SUSD1: variants seen among roughly 807,000 people sequenced by gnomAD.
SUSD1 encodes sushi domain-containing protein 1.
SUSD1 carries 65 observed loss-of-function variants against 86.9 expected under a neutral mutation model. The ratio of observed to expected loss-of-function variants is 0.75; its 90% CI spans 0.61 to 0.92. SUSD1 has a LOEUF of 0.92. Among genes scored for constraint, SUSD1 ranks in the 40% least tolerant of loss-of-function variants. SUSD1 has a pLI of 0.00. For synonymous variants in SUSD1, 346 were observed against 350.0 expected (o/e 0.99, Z 0.13); for missense variants, 850 against 929.7 (o/e 0.91, Z 1.11).
chr9:112,060,944 G>A (rs371233398), intron 13 of SUSD1, among the ~76,000 whole-genome samples: 4 of 152,140 alleles, frequency 2.6e-5, no homozygotes, highest in African/African-American at 7.2e-5. Context: ...AGGCATCATC[G>A]ACAGAGTATG....
At chr9:112,120,935 C>T (rs1831529221) in intron 6 of SUSD1, among the ~76,000 whole-genome samples, 1 of 152,218 alleles carries the variant, frequency 6.6e-6, no homozygotes, top group African/African-American at 2.4e-5. Context: ...AGCAGTTGTT[C>T]TGTGTCGGGA....
chr9:112,052,219 A>G, intron 15 of SUSD1, 180 bp downstream of exon 15: 1 of 1,528,754 alleles, frequency 6.5e-7, no homozygotes. Context: ...GTATAATTCC[A>G]TAAGCTCCCA....
At chr9:112,142,696 T>A in intron 4 of SUSD1, 197 bp from the exon 5 acceptor site, 1 of 548,734 alleles carries the variant, frequency 1.8e-6, no homozygotes, top group Middle Eastern at 4.7e-4. Context: ...CTTCCATAGG[T>A]AAAGCATCTA....
At chr9:112,107,913 ACTT>A (rs1482281740) in intron 8 of SUSD1, among the ~76,000 whole-genome samples, 1 of 152,204 alleles carries the variant, frequency 6.6e-6, no homozygotes, top group Non-Finnish European at 1.5e-5. Flanking sequence ...AATAAAGTTG[ACTT>A]AATAACAGAT....
intron 9 of SUSD1, among the ~76,000 whole-genome samples, chr9:112,099,015 TTC>T (rs58040511): frequency 0.031 from 4,521 of 145,802 alleles, 71 homozygotes; most frequent in African/African-American, 0.049. Context: ...GAATACTTCG[TTC>T]TCTCTCTCTC....
intron 5 of SUSD1, among the ~76,000 whole-genome samples, chr9:112,140,697 T>C (rs1832527150): frequency 1.3e-5 from 2 of 152,226 alleles, no homozygotes; most frequent in South Asian, 4.1e-4. Flanking sequence ...GCTCTGTCTC[T>C]AGTTGTGTGA....
chr9:112,063,692 G>A (rs539198164), intron 12 of SUSD1, among the ~76,000 whole-genome samples: 6 of 126,834 alleles, frequency 4.7e-5, no homozygotes, highest in South Asian at 2.7e-4. Context: ...TGACACCAGC[G>A]TTCTTGCTCA....
chr9:112,127,065 C>T (rs1481917951), intron 5 of SUSD1, among the ~76,000 whole-genome samples: 1 of 152,094 alleles, frequency 6.6e-6, no homozygotes, highest in Non-Finnish European at 1.5e-5. Context: ...ATTCTTTTCC[C>T]TACACCCACA....
chr9:112,105,686 A>T (rs12684264), intron 8 of SUSD1, among the ~76,000 whole-genome samples: 17,826 of 152,198 alleles, frequency 0.12, 1,345 homozygotes, highest in Admixed American at 0.2. Flanking sequence ...GCCACTGCAC[A>T]CCAGCCTGGG....
chr9:112,102,308 A>G, intron 8 of SUSD1, 23 bp from the exon 9 acceptor site: 1 of 1,392,170 alleles, frequency 7.2e-7, no homozygotes, highest in East Asian at 2.4e-5. Context: ...AGAGAGAGTT[A>G]TAGACAGCTT....
intron 13 of SUSD1, among the ~76,000 whole-genome samples, chr9:112,061,753 T>G (rs541257157): frequency 6.6e-6 from 1 of 152,194 alleles, no homozygotes; most frequent in African/African-American, 2.4e-5. Context: ...AGTTTTATTA[T>G]AAATGGATAT....
intron 10 of SUSD1, among the ~76,000 whole-genome samples, chr9:112,093,173 G>C (rs1830268503): frequency 6.6e-6 from 1 of 152,190 alleles, no homozygotes; most frequent in Non-Finnish European, 1.5e-5. Context: ...TAAGGGAAAA[G>C]GCAATTTTGG....
intron 15 of SUSD1, among the ~76,000 whole-genome samples, chr9:112,046,186 G>T (rs1477827504): frequency 6.6e-6 from 1 of 152,130 alleles, no homozygotes; most frequent in East Asian, 1.9e-4. Flanking sequence ...CACAAGTGTT[G>T]CCACACAAGC....
intron 12 of SUSD1, among the ~76,000 whole-genome samples, chr9:112,064,791 G>T (rs550476490): frequency 1.3e-5 from 2 of 151,086 alleles, no homozygotes; most frequent in African/African-American, 4.9e-5. Context: ...CAGGAGAATC[G>T]CTTGAACCGG....
At chr9:112,053,345 T>A (rs1828303204) in intron 14 of SUSD1, among the ~76,000 whole-genome samples, 1 of 151,616 alleles carries the variant, frequency 6.6e-6, no homozygotes, top group Admixed American at 6.6e-5. Context: ...TGAAACCCCA[T>A]CCCTACTGAA....
chr9:112,122,087 G>C (rs1831578553), intron 6 of SUSD1, among the ~76,000 whole-genome samples: 1 of 152,214 alleles, frequency 6.6e-6, no homozygotes, highest in Non-Finnish European at 1.5e-5. Context: ...TTTTATAGAT[G>C]AGGAAACCGA....
intron 6 of SUSD1, among the ~76,000 whole-genome samples, chr9:112,117,571 G>A (rs553605474): frequency 1.3e-5 from 2 of 152,040 alleles, no homozygotes; most frequent in Non-Finnish European, 2.9e-5. Flanking sequence ...AGATATAGAT[G>A]TACATAATGT....
intron 10 of SUSD1, among the ~76,000 whole-genome samples, chr9:112,097,557 C>T (rs759488650): frequency 6.6e-6 from 1 of 151,756 alleles, no homozygotes; most frequent in Non-Finnish European, 1.5e-5. Flanking sequence ...ACCACCATGC[C>T]CAGCTAATTT....
intron 15 of SUSD1, chr9:112,042,223 T>C (rs563340189): frequency 1.9e-4 from 272 of 1,432,984 alleles, no homozygotes; most frequent in Non-Finnish European, 2.5e-4. Flanking sequence ...AAACAGCTAA[T>C]CTTGTTGAGC....
Sources: allele counts gnomAD v4.1 joint callset (sites outside exome capture counted in the v4.1 genomes callset), GRCh38; gene constraint gnomAD v4.1.1; transcripts MANE v1.5; gene names NCBI Gene and HGNC (gene_info 2026-07-23, HGNC 2026-07-21).